B4GALT6: variants seen among roughly 807,000 people sequenced by gnomAD.
The protein encoded by B4GALT6 is beta-1,4-galactosyltransferase 6, also known as UDP-Gal:beta-GlcNAc beta-1,4-galactosyltransferase 6.
A neutral mutation model predicts 46.3 loss-of-function variants in B4GALT6; 14 were observed. The observed-to-expected ratio is 0.30, with a 90% CI of 0.20 to 0.47. B4GALT6 has a LOEUF of 0.47. B4GALT6 is among the 20% of genes least tolerant of loss of function. The probability of loss-of-function intolerance (pLI) is 0.99; values close to 1 mark genes in which losing one functional copy is unlikely to be tolerated. For synonymous variants in B4GALT6, 168 were observed against 162.0 expected (o/e 1.04, Z -0.28); for missense variants, 386 against 480.1 (o/e 0.80, Z 1.83).
chr18:31,666,213 A>T, intron 2 of B4GALT6, 43 bp downstream of exon 2: 2 of 1,170,848 alleles, frequency 1.7e-6, no homozygotes, highest in Non-Finnish European at 2.4e-6. Flanking sequence ...GATTTGGTTT[A>T]CTGCTTTGTA....
At chr18:31,673,551 T>C (rs766435651) in intron 1 of B4GALT6, among the ~76,000 whole-genome samples, 69 of 152,264 alleles carry the variant, frequency 4.5e-4, no homozygotes, top group Non-Finnish European at 9.0e-4. Context: ...GCCGAAATCG[T>C]CCAGGGATAT....
chr18:31,625,582 T>A lies in B4GALT6; in HGVS notation c.*32A>T. On this transcript the variant is annotated 3_prime_UTR_variant, in exon 9 of 9. Transcript: ENST00000306851. Reference sequence around the variant, plus strand: ...GCGCTCCAAGTTTATGATCCAGCATTGTGGTCTACCTTGCCACGACAGCCA... The same window carrying A: ...GCGCTCCAAGTTTATGATCCAGCATAGTGGTCTACCTTGCCACGACAGCCA... The A allele has an allele frequency of 6.2e-7, 1 of 1,612,148 alleles. No homozygotes were observed. Among genetic ancestry groups the A allele is most frequent in the Admixed American group, 1.7e-5 (1 of 59,410 alleles).
At chr18:31,651,831 C>T (rs185000557) in intron 3 of B4GALT6, among the ~76,000 whole-genome samples, 10 of 152,042 alleles carry the variant, frequency 6.6e-5, no homozygotes, top group Non-Finnish European at 1.3e-4. Flanking sequence ...AGTGCAGTGG[C>T]GAGATCTCAG....
At chr18:31,706,124 T>C in the B4GALT6 span, among the ~76,000 whole-genome samples, 1 of 152,114 alleles carries the variant, frequency 6.6e-6, no homozygotes, top group Non-Finnish European at 1.5e-5. Context: ...TTTCATGCCC[T>C]AATCCCTCCA....
the B4GALT6 span, among the ~76,000 whole-genome samples, chr18:31,693,448 C>G: frequency 6.6e-6 from 1 of 152,052 alleles, no homozygotes; most frequent in Admixed American, 6.6e-5. Flanking sequence ...TAAAGACAAA[C>G]AGCAAATGGG....
At chr18:31,718,282 C>G in the B4GALT6 span, among the ~76,000 whole-genome samples, 1 of 152,126 alleles carries the variant, frequency 6.6e-6, no homozygotes, top group East Asian at 1.9e-4. Context: ...AGGGTAGAGG[C>G]CAGGGATGCT....
chr18:31,712,287 A>ACTTTTTTTTTTTT, the B4GALT6 span, among the ~76,000 whole-genome samples: 3 of 84,642 alleles, frequency 3.5e-5, no homozygotes, highest in African/African-American at 1.5e-4. Context: ...CTGGGACGTT[A>ACTTTTTTTTTTTT]TTTTTTTTTT....
chr18:31,667,059 G>T (rs531399815), intron 1 of B4GALT6, among the ~76,000 whole-genome samples: 2 of 152,238 alleles, frequency 1.3e-5, no homozygotes, highest in East Asian at 3.9e-4. Flanking sequence ...AATTTCTTCT[G>T]CTGGGAGAAA....
chr18:31,626,203 G>T lies in B4GALT6; in HGVS notation c.1001+80C>A, dbSNP rs138746723. On this transcript the variant is annotated intron_variant, in intron 8 of 8. Coordinates refer to ENST00000306851, the MANE Select transcript of B4GALT6 (RefSeq NM_004775.5). ...AAATTCCCTTCAGCAGCTTTTTTGG[G>T]GTTCAATGCATTTTTATTTACCTTT... 7.1e-5 allele frequency: 53 copies of T among 744,538 alleles called. No individual in the cohort carries two copies. The African/African-American group carries it at 9.0e-4, about 13-fold the overall frequency. The allele number at this position is 744,538 out of a possible 1,614,324, so 46.1% of individuals were successfully genotyped here. A position where few individuals can be genotyped will look rare whatever the true frequency, so the allele number is the denominator to read the frequency against.
the B4GALT6 span, among the ~76,000 whole-genome samples, chr18:31,712,284 G>GTTTTTTTT: frequency 1.1e-5 from 1 of 88,292 alleles, no homozygotes; most frequent in African/African-American, 5.1e-5. Flanking sequence ...CTACTGGGAC[G>GTTTTTTTT]TTATTTTTTT....
chr18:31,640,630 CA>C (rs1256332977), intron 4 of B4GALT6, among the ~76,000 whole-genome samples: 2 of 152,174 alleles, frequency 1.3e-5, no homozygotes, highest in African/African-American at 2.4e-5. Flanking sequence ...CCTGCCAGCC[CA>C]ACTTTGGGTC....
chr18:31,721,885 T>A, the B4GALT6 span, among the ~76,000 whole-genome samples: 107 of 152,246 alleles, frequency 7.0e-4, 2 homozygotes, highest in East Asian at 0.018. Context: ...TCTCTCTGTG[T>A]GTGTATGTGT....
chr18:31,634,975 A>G (rs1359844871), intron 5 of B4GALT6, among the ~76,000 whole-genome samples: 2 of 152,084 alleles, frequency 1.3e-5, no homozygotes, highest in African/African-American at 2.4e-5. Context: ...GGCTGCAGTG[A>G]CTCATGCCTG....
chr18:31,626,743 C>T (rs1320520536), intron 7 of B4GALT6, among the ~76,000 whole-genome samples: 1 of 152,028 alleles, frequency 6.6e-6, no homozygotes, highest in Non-Finnish European at 1.5e-5. Context: ...CCTCCTGGGT[C>T]CTTGGAAAAA....
intron 1 of B4GALT6, among the ~76,000 whole-genome samples, chr18:31,667,661 C>T (rs974907612): frequency 2.0e-5 from 3 of 152,036 alleles, no homozygotes; most frequent in Admixed American, 6.6e-5. Flanking sequence ...AACAGAAATC[C>T]AGGTTTCACA....
At chr18:31,666,462 A>G (rs1241666169) in intron 1 of B4GALT6, 90 bp from the exon 2 acceptor site, 2 of 490,728 alleles carry the variant, frequency 4.1e-6, no homozygotes, top group Non-Finnish European at 6.9e-6. Context: ...GAAGTGCCCA[A>G]TAAACATAAA....
the B4GALT6 span, among the ~76,000 whole-genome samples, chr18:31,696,336 AG>A: frequency 0.098 from 14,928 of 152,272 alleles, 906 homozygotes; most frequent in Middle Eastern, 0.15. Flanking sequence ...AATAGAAAAA[AG>A]TTCAAAAATA....
intron 1 of B4GALT6, among the ~76,000 whole-genome samples, chr18:31,678,234 G>A (rs1022941511): frequency 3.3e-5 from 5 of 151,972 alleles, no homozygotes; most frequent in African/African-American, 7.3e-5. Context: ...TTTAAGAGGC[G>A]GTCATCTACC....
chr18:31,718,290 G>A, the B4GALT6 span, among the ~76,000 whole-genome samples: 1 of 152,210 alleles, frequency 6.6e-6, no homozygotes, highest in Non-Finnish European at 1.5e-5. Flanking sequence ...GGCCAGGGAT[G>A]CTGCTGAACA....
Sources: allele counts gnomAD v4.1 joint callset (sites outside exome capture counted in the v4.1 genomes callset), GRCh38; gene constraint gnomAD v4.1.1; transcripts MANE v1.5; gene names NCBI Gene and HGNC (gene_info 2026-07-23, HGNC 2026-07-21).